Variants in PRIM2 observed in about 807,000 individuals in gnomAD.
The protein encoded by PRIM2 is DNA primase subunit 2, also known as DNA primase large subunit.
Under a neutral mutation model 67.3 loss-of-function variants are expected in PRIM2, and 39 were observed. That is an observed-to-expected ratio of 0.58 (90% CI 0.45 to 0.76). PRIM2 has a LOEUF of 0.76. Ranked by LOEUF, PRIM2 falls within the 30% of genes least tolerant of loss-of-function variation. PRIM2 has a pLI of 0.00. For synonymous variants in PRIM2, 143 were observed against 198.7 expected, an observed-to-expected ratio of 0.72 and a Z score of 2.36; for missense variants, 398 against 598.7, an observed-to-expected ratio of 0.66 and a Z score of 3.50.
At chr6:57,347,452 T>A (rs957017255) in intron 5 of PRIM2, among the ~76,000 whole-genome samples, 4 of 116,118 alleles carry the variant, frequency 3.4e-5, no homozygotes, top group East Asian at 2.0e-4. Flanking sequence ...AAATTTAACT[T>A]CTTCTTCTGT....
chr6:57,539,438 C>A (rs1775087594), intron 10 of PRIM2, among the ~76,000 whole-genome samples: 1 of 152,012 alleles, frequency 6.6e-6, no homozygotes, highest in Non-Finnish European at 1.5e-5. Context: ...TTTAATCATT[C>A]TCCTATTGTT....
At chr6:57,622,465 C>T (rs1334284451) in intron 12 of PRIM2, among the ~76,000 whole-genome samples, 1 of 152,170 alleles carries the variant, frequency 6.6e-6, no homozygotes, top group Non-Finnish European at 1.5e-5. Flanking sequence ...AGACCTATTA[C>T]AACCAATACT....
intron 5 of PRIM2, among the ~76,000 whole-genome samples, chr6:57,356,934 T>C (rs1769048359): frequency 6.8e-6 from 1 of 147,444 alleles, no homozygotes; most frequent in Non-Finnish European, 1.5e-5. Flanking sequence ...ATCCATTCTT[T>C]TTTTTTTTTT....
intron 7 of PRIM2, among the ~76,000 whole-genome samples, chr6:57,401,518 T>G (rs2894848): frequency 1.2e-4 from 19 of 152,264 alleles, no homozygotes; most frequent in Admixed American, 1.0e-3. Flanking sequence ...TGTTCCCTCT[T>G]AATGTGTGGG....
At chr6:57,350,020 C>A (rs1768810476) in intron 5 of PRIM2, among the ~76,000 whole-genome samples, 1 of 151,982 alleles carries the variant, frequency 6.6e-6, no homozygotes. Flanking sequence ...CTTCTTGGAC[C>A]CCTTCATATA....
chr6:57,234,396 C>T, the PRIM2 span, among the ~76,000 whole-genome samples: 6 of 152,206 alleles, frequency 3.9e-5, no homozygotes, highest in South Asian at 2.1e-4. Flanking sequence ...TATTCTCCAG[C>T]GTGTGAGATA....
the PRIM2 span, among the ~76,000 whole-genome samples, chr6:57,241,902 G>A: frequency 6.6e-6 from 1 of 152,064 alleles, no homozygotes; most frequent in African/African-American, 2.4e-5. Context: ...TCGATCTCCT[G>A]ACCTCGTGAT....
At chr6:57,355,110 C>A (rs988627707) in intron 5 of PRIM2, among the ~76,000 whole-genome samples, 1 of 152,404 alleles carries the variant, frequency 6.6e-6, no homozygotes, top group Non-Finnish European at 1.5e-5. Flanking sequence ...TTGAGACCAG[C>A]CTTAACAGCA....
chr6:57,578,555 GT>G (rs1393050232), intron 10 of PRIM2, among the ~76,000 whole-genome samples: 3 of 152,044 alleles, frequency 2.0e-5, no homozygotes, highest in African/African-American at 7.2e-5. Flanking sequence ...CATTCTATGG[GT>G]TATAATCCAG....
intron 12 of PRIM2, among the ~76,000 whole-genome samples, chr6:57,617,003 C>T (rs1237453986): frequency 3.3e-5 from 5 of 152,238 alleles, no homozygotes; most frequent in African/African-American, 9.6e-5. Flanking sequence ...TTTATCCATT[C>T]GTCCTTTGAT....
intron 7 of PRIM2, among the ~76,000 whole-genome samples, chr6:57,392,204 G>C (rs1277710622): frequency 6.6e-6 from 1 of 152,004 alleles, no homozygotes. Flanking sequence ...GAATGCTAGC[G>C]ATTTCGTTCA....
At chr6:57,288,867 A>G in the PRIM2 span, among the ~76,000 whole-genome samples, 1 of 152,228 alleles carries the variant, frequency 6.6e-6, no homozygotes, top group African/African-American at 2.4e-5. Flanking sequence ...AGAAAAGCTG[A>G]AAATTCCAAA....
chr6:57,546,888 A>C (rs1254228832), intron 10 of PRIM2, among the ~76,000 whole-genome samples: 65 of 152,184 alleles, frequency 4.3e-4, no homozygotes, highest in Non-Finnish European at 7.9e-4. Flanking sequence ...TTTTATTCTT[A>C]AATTGTTGAA....
intron 7 of PRIM2, among the ~76,000 whole-genome samples, chr6:57,455,713 C>T (rs200060344): frequency 6.6e-6 from 1 of 152,116 alleles, no homozygotes; most frequent in African/African-American, 2.4e-5. Context: ...TGAATACAGC[C>T]CATTGATTGG....
the PRIM2 span, among the ~76,000 whole-genome samples, chr6:57,274,291 C>G: frequency 2.2e-4 from 34 of 151,964 alleles, no homozygotes; most frequent in Non-Finnish European, 8.8e-5. Context: ...TCGAGCTTCC[C>G]TGCCGCTTTG....
At chr6:57,520,092 G>A (rs1312392557) in intron 8 of PRIM2, among the ~76,000 whole-genome samples, 2 of 152,158 alleles carry the variant, frequency 1.3e-5, no homozygotes, top group African/African-American at 4.8e-5. Context: ...CTGAAGTGGC[G>A]TATAAGGAAA....
intron 7 of PRIM2, among the ~76,000 whole-genome samples, chr6:57,424,080 G>A (rs1263305870): frequency 6.6e-6 from 1 of 152,136 alleles, no homozygotes. Flanking sequence ...TTTAGCCAGC[G>A]TGGATTGTGA....
chr6:57,269,056 C>G, the PRIM2 span, among the ~76,000 whole-genome samples: 3 of 151,942 alleles, frequency 2.0e-5, no homozygotes, highest in Non-Finnish European at 4.4e-5. Context: ...GGGTTGGTTC[C>G]AAGTCTTCGC....
chr6:57,292,683 C>T, the PRIM2 span, among the ~76,000 whole-genome samples: 1 of 152,138 alleles, frequency 6.6e-6, no homozygotes, highest in East Asian at 1.9e-4. Flanking sequence ...GAAATAACAC[C>T]ACACATCTAC....
Sources: allele counts gnomAD v4.1 joint callset (sites outside exome capture counted in the v4.1 genomes callset), GRCh38; gene constraint gnomAD v4.1.1; transcripts MANE v1.5; gene names NCBI Gene and HGNC (gene_info 2026-07-23, HGNC 2026-07-21).